The following RNF170 variants were observed in gnomAD, a reference collection of about 807,000 sequenced individuals.
The protein encoded by RNF170 is E3 ubiquitin-protein ligase RNF170.
A neutral mutation model predicts 32.7 loss-of-function variants in RNF170; 12 were observed. The observed-to-expected ratio is 0.37, with a 90% CI of 0.24 to 0.60. RNF170 has a LOEUF of 0.60. Ranked by LOEUF, RNF170 falls within the 20% of genes least tolerant of loss-of-function variation. The pLI is 0.72. For synonymous variants in RNF170, 91 were observed against 103.6 expected (o/e 0.88, Z 0.74); for missense variants, 212 against 311.2 (o/e 0.68, Z 2.40).
intron 2 of RNF170, among the ~76,000 whole-genome samples, chr8:42,878,694 T>C (rs181239484): frequency 2.8e-4 from 43 of 152,362 alleles, no homozygotes; most frequent in Admixed American, 2.2e-3. Context: ...GCTAAGATCA[T>C]TGATGAAGGT....
chr8:42,894,897 G>A (rs1423277178), intron 1 of RNF170, among the ~76,000 whole-genome samples: 2 of 151,778 alleles, frequency 1.3e-5, no homozygotes, highest in Non-Finnish European at 2.9e-5. Flanking sequence ...TTGGTGTAGG[G>A]AAGAATGTTT....
At chr8:42,860,107 T>C (rs1056355483) in intron 6 of RNF170, among the ~76,000 whole-genome samples, 8 of 152,168 alleles carry the variant, frequency 5.3e-5, no homozygotes, top group African/African-American at 1.9e-4. Context: ...AGCTCAATAC[T>C]CCACGTGTTA....
At chr8:42,861,634 T>C (rs1175009176) in intron 6 of RNF170, 111 bp downstream of exon 6, 2 of 885,692 alleles carry the variant, frequency 2.3e-6, no homozygotes, top group Non-Finnish European at 1.8e-6. Flanking sequence ...TTAGCTACTG[T>C]GCCTGGCCAA....
upstream of RNF170, chr8:42,896,742 G>GGCGGCAGCGGCGGCGGCGGCGGCGGCA: frequency 6.9e-6 from 1 of 145,076 alleles, no homozygotes; most frequent in East Asian, 2.0e-4. Context: ...GGGCGCGCCC[G>GGCGGCAGCGGCGGCGGCGGCGGCGGCA]GCGGCAGCGG....
At chr8:42,893,395 T>A (rs1806477464) in intron 1 of RNF170, among the ~76,000 whole-genome samples, 1 of 152,224 alleles carries the variant, frequency 6.6e-6, no homozygotes, top group East Asian at 1.9e-4. Flanking sequence ...GGCTTTGCTA[T>A]TGCTCAGCTG....
intron 6 of RNF170, among the ~76,000 whole-genome samples, chr8:42,856,876 A>T (rs1409574657): frequency 6.6e-6 from 1 of 152,222 alleles, no homozygotes; most frequent in East Asian, 1.9e-4. Context: ...TAATTCAACA[A>T]CTAACTGTGT....
downstream of RNF170, among the ~76,000 whole-genome samples, chr8:42,852,555 C>A (rs898627583): frequency 2.0e-5 from 3 of 151,950 alleles, no homozygotes; most frequent in Non-Finnish European, 2.9e-5. Flanking sequence ...GTAGCTGGGA[C>A]TACAGGTGCG....
chr8:42,877,417 T>G (rs1805037100), intron 2 of RNF170, among the ~76,000 whole-genome samples: 1 of 152,168 alleles, frequency 6.6e-6, no homozygotes, highest in Admixed American at 6.5e-5. Flanking sequence ...TGACCTCAAG[T>G]GATCTGCCTG....
In RNF170 at chr8:42,854,389, C is replaced by T. The variant is rs1159754803; in HGVS notation, c.*1770G>A. On this transcript the variant is annotated 3_prime_UTR_variant, in exon 7 of 7. Transcript: ENST00000527424. ...TTTGTTGTATGACTTCATTCAAAAA[C>T]ACTTTCATCAATAGCATGGGGATTG... 4 of 1,287,236 alleles carry T rather than the reference C, an allele frequency of 3.1e-6. No individual in the cohort carries two copies. In the South Asian group the frequency reaches 4.9e-5, roughly 16 times the overall value. The allele number at this position is 1,287,236 out of a possible 1,614,324, so 79.7% of individuals were successfully genotyped here. A position where few individuals can be genotyped will look rare whatever the true frequency, so the allele number is the denominator to read the frequency against.
rs1389922195 is a variant in RNF170, at chr8:42,896,563, T to A, written c.-87A>T. ...TTTCCAGGACCGCTCCCGCCACCCC[T>A]CCCGGGCAACCCACTAGACGTCCCC... On this transcript the variant is annotated 5_prime_UTR_variant, in exon 1 of 7. Transcript: ENST00000527424. The A allele has an allele frequency of 2.2e-6, 1 of 453,736 alleles. No homozygotes were observed. Among genetic ancestry groups the A allele is most frequent in the Non-Finnish European group, 4.4e-6 (1 of 226,676 alleles). The allele number at this position is 453,736 out of a possible 1,614,324, so 28.1% of individuals were successfully genotyped here. A position where few individuals can be genotyped will look rare whatever the true frequency, so the allele number is the denominator to read the frequency against.
chr8:42,880,816 A>T (rs1032956745), intron 2 of RNF170, among the ~76,000 whole-genome samples: 2 of 152,062 alleles, frequency 1.3e-5, no homozygotes, highest in Admixed American at 1.3e-4. Flanking sequence ...AGCAACCACC[A>T]CCCTGATCAG....
At chr8:42,896,748 A>AGCGGCGGCGGCAGCGGCG (rs1806952936), upstream of RNF170, 1 of 145,666 alleles carries the variant, frequency 6.9e-6, no homozygotes, top group African/African-American at 2.5e-5. Flanking sequence ...GCCCGGCGGC[A>AGCGGCGGCGGCAGCGGCG]GCGGCGGCGG....
At chr8:42,850,942 G>GC, downstream of RNF170, 1 of 1,551,688 alleles carries the variant, frequency 6.4e-7, no homozygotes, top group Non-Finnish European at 8.7e-7. Context: ...GTCCAGGCAT[G>GC]CAACAGCCTC....
chr8:42,854,825 C>T lies in RNF170; in HGVS notation c.*1334G>A, dbSNP rs759458682. The T allele has an allele frequency of 1.6e-6, 2 of 1,287,280 alleles. No individual in the cohort carries two copies. Among genetic ancestry groups the T allele is most frequent in the South Asian group, 2.5e-5 (2 of 80,936 alleles). The allele number at this position is 1,287,280 out of a possible 1,614,324, so 79.7% of individuals were successfully genotyped here. ...ACGCCAGCTGAAGTGAGTAAGATCT[C>T]CCAGTACCATGTGGTACTGAGTCTT... On this transcript the variant is annotated 3_prime_UTR_variant, in exon 7 of 7. Transcript: ENST00000527424.
In RNF170 at chr8:42,887,719, A is replaced by G. The variant is rs1586553366; in HGVS notation, c.137+9T>C. ...AAATCTACTCAATTCTTTTGTCCTT[A>G]AATCTCACCTGAAAAGTGCATATAC... is the stretch of plus-strand genomic sequence containing the variant. On this transcript the variant is annotated intron_variant, in intron 2 of 6. Coordinates refer to ENST00000527424, the MANE Select transcript of RNF170 (RefSeq NM_030954.4). 6.2e-7 allele frequency: 1 copy of G among 1,613,952 alleles called. No homozygotes were observed. Among genetic ancestry groups the G allele is most frequent in the Non-Finnish European group, 8.5e-7 (1 of 1,179,834 alleles).
upstream of RNF170, chr8:42,896,948 G>T: frequency 2.5e-6 from 1 of 404,502 alleles, no homozygotes; most frequent in South Asian, 1.2e-4. Flanking sequence ...CGAGTGAAAG[G>T]AGAAGGAGGG....
At chr8:42,870,944 C>T (rs1804476439) in intron 3 of RNF170, among the ~76,000 whole-genome samples, 1 of 152,034 alleles carries the variant, frequency 6.6e-6, no homozygotes, top group Admixed American at 6.5e-5. Flanking sequence ...CACGGTGGCT[C>T]ACACCTGTAA....
rs558995603 is a variant in RNF170 at position 42,884,341 on chromosome 8, C to T, written c.137+3387G>A. On this transcript the variant is annotated intron_variant, in intron 2 of 6. Coordinates refer to ENST00000527424, the MANE Select transcript of RNF170 (RefSeq NM_030954.4). Reference sequence around the variant, plus strand: ...TCCAGCCATCCATCCACCTCAGCCTCCCAAAGTGCTAGGATTACAGGCATG... The same window carrying T: ...TCCAGCCATCCATCCACCTCAGCCTTCCAAAGTGCTAGGATTACAGGCATG... 3.9e-5 allele frequency among the ~76,000 whole-genome samples: 6 copies of T among 152,246 alleles called. No homozygotes were observed. In the East Asian group the frequency reaches 1.2e-3, roughly 29 times the overall value.
chr8:42,860,608 A>G (rs1803583736), intron 6 of RNF170, among the ~76,000 whole-genome samples: 1 of 152,042 alleles, frequency 6.6e-6, no homozygotes, highest in Non-Finnish European at 1.5e-5. Context: ...TTTTTAGTAG[A>G]GACAGGGTTT....
Sources: gnomAD v4.1 joint callset for allele counts (sites outside exome capture counted in the v4.1 genomes callset) on GRCh38, gnomAD v4.1.1 for gene constraint, MANE v1.5 for transcripts, NCBI Gene and HGNC (gene_info 2026-07-23, HGNC 2026-07-21) for gene names.